Variants in SI observed in about 807,000 individuals in gnomAD.
SI encodes sucrase-isomaltase.
SI carries 235 observed loss-of-function variants against 253.3 expected under a neutral mutation model. The observed-to-expected ratio is 0.93, with a 90% confidence interval of 0.83 to 1.03. SI has a LOEUF of 1.03. Among genes scored for constraint, SI ranks in the 50% least tolerant of loss-of-function variants. The pLI, the probability that SI is intolerant of heterozygous loss-of-function variation, is 0.00. For synonymous variants in SI, 819 were observed against 712.0 expected (o/e 1.15, Z -2.39); for missense variants, 2,442 against 2,211.1 (o/e 1.10, Z -2.09).
chr3:165,059,901 C>G lies in SI; in HGVS notation c.1146+1G>C. On this transcript the variant is annotated splice_donor_variant, in intron 10 of 47. Transcript: ENST00000264382. LOFTEE classifies it high-confidence loss of function. Reference sequence around the variant, plus strand: ...TCCCACGGACCCTTTATTCTACTTACAAATGGTATGCCAGCTTCCCGGTTT... The same window carrying G: ...TCCCACGGACCCTTTATTCTACTTAGAAATGGTATGCCAGCTTCCCGGTTT... The G allele has an allele frequency of 6.2e-7, 1 of 1,611,034 alleles. No individual in the cohort carries two copies. The highest frequency in any genetic ancestry group is 8.5e-7 in the Non-Finnish European group (1 of 1,177,738).
chr3:165,052,565 G>A (rs1471113401), intron 13 of SI, among the ~76,000 whole-genome samples: 1 of 152,014 alleles, frequency 6.6e-6, no homozygotes, highest in African/African-American at 2.4e-5. Context: ...CTGAGGCAGG[G>A]AGAATCTTTT....
At chr3:165,056,971 A>G (rs529966221) in intron 12 of SI, among the ~76,000 whole-genome samples, 1 of 152,156 alleles carries the variant, frequency 6.6e-6, no homozygotes, top group East Asian at 1.9e-4. Flanking sequence ...CAGGAAAACC[A>G]GAATTCACAA....
Position 165,049,884 on chromosome 3 carries a change from A to T in SI, c.1513-9T>A, listed in dbSNP as rs753427859. The T allele has an allele frequency of 6.5e-7, 1 of 1,540,372 alleles. No individual in the cohort carries two copies. The highest frequency in any genetic ancestry group is 1.4e-5 in the African/African-American group (1 of 73,654). On this transcript the variant is annotated splice_polypyrimidine_tract_variant and intron_variant, in intron 13 of 47. Transcript: ENST00000264382. ...GAAACTTCATTCATGTCCTGAATGG[A>T]TACAAAATGAAGAACAGCAGATTTT...
intron 12 of SI, among the ~76,000 whole-genome samples, chr3:165,055,601 T>A (rs1713657914): frequency 6.6e-6 from 1 of 151,912 alleles, no homozygotes. Flanking sequence ...TGTAGGATAG[T>A]TTAATACATA....
intron 7 of SI, 35 bp downstream of exon 7, chr3:165,065,226 T>A (rs545675769): frequency 1.5e-6 from 2 of 1,354,148 alleles, no homozygotes; most frequent in East Asian, 4.7e-5. Flanking sequence ...TGCAATATAG[T>A]GATTTTATTT....
chr3:165,036,671 T>C (rs1428512606), intron 21 of SI, among the ~76,000 whole-genome samples, 194 bp from the exon 22 acceptor site: 2 of 151,818 alleles, frequency 1.3e-5, no homozygotes, highest in African/African-American at 4.8e-5. Flanking sequence ...ACCGAAATAA[T>C]TTATACATGT....
Position 165,007,988 on chromosome 3 carries a change from T to C in SI, c.4190A>G (p.Glu1397Gly), listed in dbSNP as rs754436879. 3.9e-5 allele frequency: 61 copies of C among 1,547,926 alleles called. No individual in the cohort carries two copies. Among genetic ancestry groups the C allele is most frequent in the Non-Finnish European group, 5.4e-5 (61 of 1,120,976 alleles). The change falls in exon 36 of 48, where the codon GAG (glutamate) becomes GGG (glycine). Residue 1397 changes from glutamate to glycine, a missense_variant. Glu to Gly is a moderately conservative substitution (Grantham distance 98). Transcript: ENST00000264382. ...TGTTCCATTTACAAAACTTGATGGC[T>C]CATTCATATCCTTAAAAAAAGATGA... ...KFDGLWIDMN[E>G]PSSFVNGTTT...
the SI span, among the ~76,000 whole-genome samples, chr3:165,085,367 C>T: frequency 6.6e-6 from 1 of 152,126 alleles, no homozygotes; most frequent in Non-Finnish European, 1.5e-5. Flanking sequence ...CTTTCTAATT[C>T]TTCAATCAAG....
At chr3:165,073,219 TC>T in intron 3 of SI, among the ~76,000 whole-genome samples, 2 of 137,310 alleles carry the variant, frequency 1.5e-5, no homozygotes, top group African/African-American at 2.8e-5. Context: ...TCTCTCTCTC[TC>T]TCTCTCTGTC....
At chr3:165,011,053 C>G (rs542366553) in intron 34 of SI, among the ~76,000 whole-genome samples, 1 of 152,110 alleles carries the variant, frequency 6.6e-6, no homozygotes, top group African/African-American at 2.4e-5. Context: ...ATTCATCTGG[C>G]TAAAAGAAGG....
Position 165,074,529 on chromosome 3 carries a change from A to ACAATTC in SI, c.255+1_255+2insGAATTG, listed in dbSNP as rs1210595297. 6.3e-7 allele frequency: 1 copy of ACAATTC among 1,595,280 alleles called. No individual in the cohort carries two copies. Among genetic ancestry groups the ACAATTC allele is most frequent in the Non-Finnish European group, 8.6e-7 (1 of 1,168,562 alleles). ...AAAATATTAAAGACTTTTGCTGCAGACCTCTGTTGGGAATTGTTCTGGAAT... is the reference window on the plus strand; with the variant it reads ...AAAATATTAAAGACTTTTGCTGCAGACAATTCCCTCTGTTGGGAATTGTTCTGGAAT... On this transcript the variant is annotated splice_donor_variant, in intron 3 of 47. Transcript: ENST00000264382. LOFTEE classifies it high-confidence loss of function.
chr3:165,058,881 C>CACACAT, intron 12 of SI, 82 bp downstream of exon 12: 2 of 1,145,594 alleles, frequency 1.7e-6, no homozygotes, highest in Non-Finnish European at 2.6e-6. Context: ...CACACACACA[C>CACACAT]ACACACGCAC....
chr3:165,012,372 T>C (rs978084979), intron 34 of SI, among the ~76,000 whole-genome samples: 2 of 152,044 alleles, frequency 1.3e-5, no homozygotes, highest in Admixed American at 6.5e-5. Flanking sequence ...TAAACATTTA[T>C]TAAGAGGGTA....
At chr3:165,073,577 A>C (rs550642333) in intron 3 of SI, among the ~76,000 whole-genome samples, 2 of 152,190 alleles carry the variant, frequency 1.3e-5, no homozygotes, top group African/African-American at 2.4e-5. Flanking sequence ...GTGTGTGGTA[A>C]GGTGGAGTGG....
In SI at chr3:164,979,172, T is replaced by C. The variant is rs902080726; in HGVS notation, c.*190A>G. The C allele has an allele frequency of 1.1e-5, 6 of 559,168 alleles. No individual in the cohort carries two copies. The highest frequency in any genetic ancestry group is 1.9e-5 in the Non-Finnish European group (6 of 312,026). 34.6% of individuals were successfully genotyped at this position (559,168 alleles called of 1,614,324 possible). ...AAATTTTGTTAAATATGCCTTAAAA[T>C]TGAATCCAAGTCACATTACTATAAT... On this transcript the variant is annotated 3_prime_UTR_variant, in exon 48 of 48. Transcript: ENST00000264382.
chr3:165,051,417 T>C (rs1482599453), intron 13 of SI, among the ~76,000 whole-genome samples: 5 of 152,068 alleles, frequency 3.3e-5, no homozygotes, highest in African/African-American at 1.2e-4. Context: ...TACAAAAATA[T>C]CTAAAGCTAC....
At chr3:165,002,711 T>G in intron 37 of SI, among the ~76,000 whole-genome samples, 1 of 151,792 alleles carries the variant, frequency 6.6e-6, no homozygotes, top group East Asian at 1.9e-4. Context: ...TCTTTATACA[T>G]GTAATTAATT....
At chr3:165,077,870 T>A (rs1715103111) in intron 1 of SI, among the ~76,000 whole-genome samples, 1 of 151,548 alleles carries the variant, frequency 6.6e-6, no homozygotes, top group South Asian at 2.1e-4. Flanking sequence ...AAAATTACTG[T>A]GATAAAAAAA....
rs746066970 is a variant in SI at position 165,006,876 on chromosome 3, G to A, written c.4346C>T (p.Ser1449Leu). ...EAEQILSDGT[S>L]VLHYDVHNLY... ...ATTGTGAACATCGTAATGCAAAACTGATGTTCCATCACTAAGAATCTGCTC... is the reference window on the plus strand; with the variant it reads ...ATTGTGAACATCGTAATGCAAAACTAATGTTCCATCACTAAGAATCTGCTC... Residue 1449 changes from serine (S) to leucine (L), a missense_variant, in exon 37 of 48, where the codon TCA (serine) becomes TTA (leucine). Physicochemically the swap from Ser to Leu is moderately radical, Grantham distance 145. Transcript: ENST00000264382. The A allele has an allele frequency of 5.0e-6, 8 of 1,611,506 alleles. No individual in the cohort carries two copies. Among genetic ancestry groups the A allele is most frequent in the Non-Finnish European group, 8.5e-7 (1 of 1,178,012 alleles).
Sources: allele counts gnomAD v4.1 joint callset (sites outside exome capture counted in the v4.1 genomes callset), GRCh38; gene constraint gnomAD v4.1.1; transcripts MANE v1.5; gene names NCBI Gene and HGNC (gene_info 2026-07-23, HGNC 2026-07-21).